DNAH8: variants seen among roughly 807,000 people sequenced by gnomAD.
DNAH8 encodes axonemal beta dynein heavy chain 8.
Under a neutral mutation model 562.1 loss-of-function variants are expected in DNAH8, and 382 were observed. The observed-to-expected ratio is 0.68, with a 90% CI of 0.63 to 0.74. The LOEUF is 0.74. DNAH8 is among the 30% of genes least tolerant of loss of function. The pLI is 0.00. For synonymous variants in DNAH8, 1,881 were observed against 1,919.4 expected, an observed-to-expected ratio of 0.98 and a Z score of 0.52; for missense variants, 5,203 against 5,620.4, an observed-to-expected ratio of 0.93 and a Z score of 2.37.
Position 38,926,156 on chromosome 6 carries a change from A to G in DNAH8, c.11064A>G (p.Pro3688=), listed in dbSNP as rs763208882. The part of the protein sequence containing the change: ...KATRYPLLID[P]QTQGKTWIKS... ...CCAGATACCCACTCCTCATAGACCC[A>G]CAAACTCAAGGCAAAACTTGGATTA... Residue 3688 remains proline (P), a synonymous_variant, in exon 74 of 93, where the codon CCA becomes CCG. Transcript: ENST00000327475. The G allele has an allele frequency of 6.2e-7, 1 of 1,613,850 alleles. No homozygotes were observed. Among genetic ancestry groups the G allele is most frequent in the Non-Finnish European group, 8.5e-7 (1 of 1,179,802 alleles).
At chr6:39,017,886 G>A (rs993485688) in intron 91 of DNAH8, among the ~76,000 whole-genome samples, 2 of 152,184 alleles carry the variant, frequency 1.3e-5, no homozygotes, top group African/African-American at 4.8e-5. Flanking sequence ...GTCTTGAAGA[G>A]TTATAAAAGT....
At chr6:38,726,242 C>T (rs1444193768) in intron 3 of DNAH8, among the ~76,000 whole-genome samples, 3 of 152,174 alleles carry the variant, frequency 2.0e-5, no homozygotes, top group Admixed American at 2.0e-4. Context: ...AGAGTATAGG[C>T]ATAGGCATTG....
Position 38,866,777 on chromosome 6 carries a change from G to A in DNAH8, c.6594G>A (p.Met2198Ile), listed in dbSNP as rs765618018. ...ACTATATTAATTTTCAGATCATTAT[G>A]AGAGTTAAACTTGCAAGCTGTGGTT... is the stretch of plus-strand genomic sequence containing the variant. ...AMMVPDRQII[M>I]RVKLASCGFL... is the part of the protein sequence containing the mutation. Residue 2198 changes from methionine (M) to isoleucine (I), a missense_variant, in exon 47 of 93, where the codon ATG (methionine) becomes ATA (isoleucine). Physicochemically the swap from Met to Ile is conservative, Grantham distance 10 (BLOSUM62 1). Coordinates refer to ENST00000327475, the MANE Select transcript of DNAH8 (RefSeq NM_001206927.2). The A allele has an allele frequency of 4.4e-5, 71 of 1,610,714 alleles. No homozygotes were observed. Among genetic ancestry groups the A allele is most frequent in the Non-Finnish European group, 5.4e-5 (64 of 1,178,122 alleles).
intron 62 of DNAH8, among the ~76,000 whole-genome samples, chr6:38,904,709 T>C (rs570639130): frequency 6.6e-6 from 1 of 150,830 alleles, no homozygotes; most frequent in African/African-American, 2.4e-5. Context: ...GGAGAATCGC[T>C]TGTACCCTGA....
chr6:38,916,646 AG>A lies in DNAH8; in HGVS notation c.10141-591del, dbSNP rs1781330155. Reference sequence around the variant, plus strand: ...TATGGGTCTTACTGTAACGTACAAAAGGAAGAGATCACCGAACCGAAGGAGT... The same window carrying A: ...TATGGGTCTTACTGTAACGTACAAAAGAAGAGATCACCGAACCGAAGGAGT... On this transcript the variant is annotated intron_variant, in intron 68 of 92. Coordinates refer to ENST00000327475, the MANE Select transcript of DNAH8 (RefSeq NM_001206927.2). 3.9e-5 allele frequency among the ~76,000 whole-genome samples: 6 copies of A among 152,324 alleles called. No individual in the cohort carries two copies. In the South Asian group the frequency reaches 1.2e-3, roughly 32 times the overall value.
intron 74 of DNAH8, 107 bp from the exon 75 acceptor site, chr6:38,929,404 A>C (rs79853304): frequency 2.6e-6 from 3 of 1,134,140 alleles, no homozygotes; most frequent in Admixed American, 2.6e-5. Context: ...GTCTTCTTCT[A>C]TTGCCCTTAA....
At chr6:38,842,966 G>A in intron 35 of DNAH8, 63 bp downstream of exon 35, 2 of 1,553,580 alleles carry the variant, frequency 1.3e-6, no homozygotes, top group Non-Finnish European at 1.7e-6. Flanking sequence ...TTCTTTTCTG[G>A]GAGTTGTACA....
chr6:38,891,925 C>T (rs1198319291), intron 58 of DNAH8, among the ~76,000 whole-genome samples: 1 of 152,180 alleles, frequency 6.6e-6, no homozygotes, highest in Non-Finnish European at 1.5e-5. Context: ...GTCAAGGCCA[C>T]CAAAGACCTT....
intron 91 of DNAH8, among the ~76,000 whole-genome samples, chr6:39,017,577 G>T (rs767406352): frequency 9.9e-5 from 15 of 152,110 alleles, no homozygotes; most frequent in Non-Finnish European, 2.1e-4. Context: ...GTTATTTTCC[G>T]AACGTTTAGC....
At chr6:38,867,594 A>AAG (rs1289193208) in intron 47 of DNAH8, among the ~76,000 whole-genome samples, 2 of 151,022 alleles carry the variant, frequency 1.3e-5, no homozygotes, top group Admixed American at 6.6e-5. Flanking sequence ...AATACAAAAA[A>AAG]AAAAAAAAAT....
intron 74 of DNAH8, among the ~76,000 whole-genome samples, chr6:38,929,016 C>T (rs1038631987): frequency 6.6e-6 from 1 of 152,128 alleles, no homozygotes; most frequent in Non-Finnish European, 1.5e-5. Context: ...TAAATTCTTC[C>T]CAGTGCCAAT....
intron 8 of DNAH8, among the ~76,000 whole-genome samples, chr6:38,742,974 G>A (rs916787417): frequency 3.4e-5 from 5 of 145,614 alleles, no homozygotes; most frequent in Admixed American, 6.9e-5. Flanking sequence ...GAGCTTGAGC[G>A]GTATGGTTTT....
intron 88 of DNAH8, among the ~76,000 whole-genome samples, chr6:38,991,315 C>G (rs1469749113): frequency 6.6e-6 from 1 of 152,166 alleles, no homozygotes; most frequent in Non-Finnish European, 1.5e-5. Flanking sequence ...CATTCCACCC[C>G]CATGATGGAA....
intron 81 of DNAH8, 143 bp downstream of exon 81, chr6:38,949,713 A>G (rs1583436525): frequency 1.7e-6 from 1 of 596,778 alleles, no homozygotes; most frequent in East Asian, 2.8e-5. Context: ...CCAACCTAAT[A>G]TTATAAGAAA....
chr6:38,843,907 G>A (rs1775050886), intron 35 of DNAH8, among the ~76,000 whole-genome samples: 1 of 152,082 alleles, frequency 6.6e-6, no homozygotes, highest in Admixed American at 6.6e-5. Context: ...CACTGTCCAT[G>A]TCCCCTCAGC....
intron 83 of DNAH8, 87 bp downstream of exon 83, chr6:38,971,752 C>G: frequency 5.7e-6 from 6 of 1,052,410 alleles, no homozygotes; most frequent in Non-Finnish European, 8.1e-6. Flanking sequence ...TCGTGATGCT[C>G]AATCCTGGTT....
At chr6:38,794,689 C>T (rs537798960) in intron 21 of DNAH8, among the ~76,000 whole-genome samples, 1 of 152,270 alleles carries the variant, frequency 6.6e-6, no homozygotes, top group South Asian at 2.1e-4. Flanking sequence ...TTCTTTTGCT[C>T]AGTGTTATAT....
At chr6:38,831,430 CAAAAA>C (rs67322321) in intron 30 of DNAH8, among the ~76,000 whole-genome samples, 3 of 89,020 alleles carry the variant, frequency 3.4e-5, no homozygotes, top group Admixed American at 2.6e-4. Context: ...GACACCATCT[CAAAAA>C]AAAAAAAAAA....
chr6:38,990,724 G>A (rs1358493120), intron 88 of DNAH8, among the ~76,000 whole-genome samples: 2 of 152,132 alleles, frequency 1.3e-5, no homozygotes, highest in African/African-American at 2.4e-5. Flanking sequence ...AGCCCCGGGA[G>A]GAAAGAGTGG....
Sources: gnomAD v4.1 joint callset for allele counts (sites outside exome capture counted in the v4.1 genomes callset) on GRCh38, gnomAD v4.1.1 for gene constraint, MANE v1.5 for transcripts, NCBI Gene and HGNC (gene_info 2026-07-23, HGNC 2026-07-21) for gene names.